The following GRIN3A variants were observed in gnomAD, a reference collection of about 807,000 sequenced individuals.
GRIN3A encodes the protein glutamate receptor ionotropic, NMDA 3A.
A neutral mutation model predicts 92.4 loss-of-function variants in GRIN3A; 47 were observed. The observed-to-expected ratio is 0.51, with a 90% CI of 0.40 to 0.65. The LOEUF (loss-of-function observed/expected upper bound fraction) is 0.65. GRIN3A is among the 30% of genes least tolerant of loss of function. The pLI is 0.00. For synonymous variants in GRIN3A, 527 were observed against 540.6 expected (o/e 0.97, Z 0.35); for missense variants, 1,324 against 1,393.1 (o/e 0.95, Z 0.79).
intron 3 of GRIN3A, among the ~76,000 whole-genome samples, chr9:101,663,328 T>C (rs553507263): frequency 1.3e-5 from 2 of 151,964 alleles, no homozygotes; most frequent in Non-Finnish European, 2.9e-5. Flanking sequence ...GCTCCTTTGA[T>C]TAATGTTTCT....
intron 6 of GRIN3A, among the ~76,000 whole-genome samples, chr9:101,583,870 T>A (rs551213711): frequency 1.3e-5 from 2 of 152,152 alleles, no homozygotes; most frequent in Non-Finnish European, 2.9e-5. Context: ...TTGATTGGAT[T>A]TTTTGAGACA....
Position 101,649,358 on chromosome 9 carries a change from T to C in GRIN3A, c.2352+20702A>G, listed in dbSNP as rs140988885. On this transcript the variant is annotated intron_variant, in intron 3 of 8. Transcript: ENST00000361820. ...AGAGTGCCAAGTAGCCTCCAAGATC[T>C]GTGCACCAGTTGCTGCAAACAGTGC... 6.1e-3 allele frequency among the ~76,000 whole-genome samples: 926 copies of C among 152,118 alleles called. 12 individuals carry two copies. The highest frequency in any genetic ancestry group is 0.021 in the African/African-American group (877 of 41,530).
chr9:101,579,160 T>C (rs201224827), intron 7 of GRIN3A, 36 bp downstream of exon 7: 2 of 1,607,288 alleles, frequency 1.2e-6, no homozygotes, highest in Middle Eastern at 1.8e-4. Flanking sequence ...ATTGTACAGT[T>C]TAAGAATATT....
intron 3 of GRIN3A, among the ~76,000 whole-genome samples, chr9:101,649,533 T>A (rs1828983706): frequency 6.6e-6 from 1 of 151,970 alleles, no homozygotes; most frequent in African/African-American, 2.4e-5. Context: ...TCCTCTCACA[T>A]CAGCAACCAT....
intron 1 of GRIN3A, among the ~76,000 whole-genome samples, chr9:101,710,942 A>G: frequency 6.6e-6 from 1 of 152,348 alleles, no homozygotes; most frequent in African/African-American, 2.4e-5. Flanking sequence ...ATAAAATTCA[A>G]TTTATAAATT....
chr9:101,641,445 A>G (rs1381746426), intron 3 of GRIN3A, among the ~76,000 whole-genome samples: 1 of 152,210 alleles, frequency 6.6e-6, no homozygotes, highest in Non-Finnish European at 1.5e-5. Flanking sequence ...ACCATGGAAT[A>G]CTATGCAGTT....
chr9:101,624,951 T>C (rs1006451013), intron 4 of GRIN3A, among the ~76,000 whole-genome samples: 25 of 152,280 alleles, frequency 1.6e-4, no homozygotes, highest in Admixed American at 1.4e-3. Context: ...GGGGTTCACC[T>C]CATATAAATC....
intron 3 of GRIN3A, among the ~76,000 whole-genome samples, chr9:101,667,091 T>C (rs1829248823): frequency 6.6e-6 from 1 of 152,020 alleles, no homozygotes; most frequent in Admixed American, 6.6e-5. Flanking sequence ...TTGGATCTTA[T>C]CTCCTTCCAC....
At chr9:101,619,507 T>G (rs1283782294) in intron 5 of GRIN3A, among the ~76,000 whole-genome samples, 3 of 152,202 alleles carry the variant, frequency 2.0e-5, no homozygotes, top group African/African-American at 7.2e-5. Context: ...CAGTACATGC[T>G]TTATATGTAT....
intron 3 of GRIN3A, among the ~76,000 whole-genome samples, chr9:101,656,287 C>T (rs566300981): frequency 4.8e-4 from 73 of 151,830 alleles, no homozygotes; most frequent in Admixed American, 1.3e-3. Context: ...GGTCCATTAT[C>T]CAAGATGTCA....
chr9:101,677,088 T>C (rs1323423), intron 2 of GRIN3A, among the ~76,000 whole-genome samples: 35,424 of 151,680 alleles, frequency 0.23, 4,465 homozygotes, highest in East Asian at 0.56. Context: ...GATTGTCTTT[T>C]AGAACTCTTA....
chr9:101,703,244 C>G (rs1829775971), intron 1 of GRIN3A, among the ~76,000 whole-genome samples: 1 of 152,218 alleles, frequency 6.6e-6, no homozygotes, highest in African/African-American at 2.4e-5. Context: ...GCTTACTGTT[C>G]TCACCTCACT....
chr9:101,582,418 A>C (rs1176650932), intron 6 of GRIN3A, among the ~76,000 whole-genome samples: 1 of 152,122 alleles, frequency 6.6e-6, no homozygotes, highest in Non-Finnish European at 1.5e-5. Context: ...TGGGCAGATG[A>C]CTTGGGAATG....
chr9:101,582,561 C>G (rs946827562), intron 6 of GRIN3A, among the ~76,000 whole-genome samples: 2 of 152,152 alleles, frequency 1.3e-5, no homozygotes, highest in Non-Finnish European at 2.9e-5. Context: ...CAAATGGTGA[C>G]TAGTTATGTA....
intron 1 of GRIN3A, among the ~76,000 whole-genome samples, chr9:101,726,538 T>G (rs1275805870): frequency 3.9e-5 from 6 of 152,260 alleles, no homozygotes; most frequent in African/African-American, 1.4e-4. Context: ...GGTGGGAGTT[T>G]CTCTTCCTTT....
At chr9:101,592,692 A>G (rs1177240770) in intron 6 of GRIN3A, 2 of 152,150 alleles carry the variant, frequency 1.3e-5, no homozygotes, top group East Asian at 1.9e-4. Context: ...TCTATTAAAT[A>G]CAAAAGTATA....
At chr9:101,643,549 G>T (rs1302422408) in intron 3 of GRIN3A, among the ~76,000 whole-genome samples, 1 of 151,926 alleles carries the variant, frequency 6.6e-6, no homozygotes, top group East Asian at 1.9e-4. Flanking sequence ...CCACTCCTGG[G>T]TATATATTCA....
At chr9:101,588,503 C>T (rs961773380) in intron 6 of GRIN3A, among the ~76,000 whole-genome samples, 2 of 152,206 alleles carry the variant, frequency 1.3e-5, no homozygotes, top group Non-Finnish European at 2.9e-5. Context: ...TAAGCTTGGG[C>T]GACCATCTTT....
chr9:101,688,510 C>A (rs1343916483), intron 1 of GRIN3A, among the ~76,000 whole-genome samples: 1 of 152,152 alleles, frequency 6.6e-6, no homozygotes, highest in Non-Finnish European at 1.5e-5. Flanking sequence ...GAAAAATCAT[C>A]ACTGGGAAGC....
Sources: allele counts gnomAD v4.1 joint callset (sites outside exome capture counted in the v4.1 genomes callset), GRCh38; gene constraint gnomAD v4.1.1; transcripts MANE v1.5; gene names NCBI Gene and HGNC (gene_info 2026-07-23, HGNC 2026-07-21).